The following RFPL1 variants were observed in gnomAD, a reference collection of about 807,000 sequenced individuals.
RFPL1 encodes ret finger protein like 1, also known as ret finger protein-like 1.
In RFPL1, 6 loss-of-function variants were observed where a neutral mutation model predicts 9.6. The observed-to-expected ratio is 0.62, with a 90% CI of 0.34 to 1.23. The LOEUF is 1.23. RFPL1 is among the 50% of genes most tolerant of loss of function. RFPL1 has a pLI of 0.03. For synonymous variants in RFPL1, 145 were observed against 149.4 expected, an observed-to-expected ratio of 0.97 and a Z score of 0.22; for missense variants, 352 against 398.4, an observed-to-expected ratio of 0.88 and a Z score of 0.99.
At chr22:29,421,058 G>C in the RFPL1 span, among the ~76,000 whole-genome samples, 2 of 152,126 alleles carry the variant, frequency 1.3e-5, no homozygotes, top group African/African-American at 4.8e-5. Flanking sequence ...GAGGCTGTGA[G>C]AGGCTCAGTA....
At chr22:29,397,004 T>A in the RFPL1 span, among the ~76,000 whole-genome samples, 1 of 149,030 alleles carries the variant, frequency 6.7e-6, no homozygotes, top group Non-Finnish European at 1.5e-5. Flanking sequence ...CCTCCCGGGT[T>A]CACGCCATTC....
At chr22:29,431,326 C>G in the RFPL1 span, among the ~76,000 whole-genome samples, 1 of 152,212 alleles carries the variant, frequency 6.6e-6, no homozygotes. Context: ...TAGAGAGACC[C>G]TGGGTCACCT....
At chr22:29,431,297 C>T in the RFPL1 span, among the ~76,000 whole-genome samples, 1 of 152,294 alleles carries the variant, frequency 6.6e-6, no homozygotes, top group Admixed American at 6.5e-5. Context: ...AGCTCAATGC[C>T]AGGCACAGTG....
chr22:29,435,676 TTTTTTA>T (rs1306795083), upstream of RFPL1, among the ~76,000 whole-genome samples: 333 of 152,312 alleles, frequency 2.2e-3, 3 homozygotes, highest in African/African-American at 7.7e-3. Context: ...TTGTACATAA[TTTTTTA>T]ATAGAACTAA....
chr22:29,392,149 G>A, the RFPL1 span, among the ~76,000 whole-genome samples: 5 of 152,036 alleles, frequency 3.3e-5, no homozygotes, highest in African/African-American at 1.2e-4. Context: ...CAGCAATCTC[G>A]GCTCACTACA....
chr22:29,435,528 A>C (rs2062804526), upstream of RFPL1, among the ~76,000 whole-genome samples: 1 of 152,190 alleles, frequency 6.6e-6, no homozygotes, highest in South Asian at 2.1e-4. Context: ...TCCAGCAGAG[A>C]GCAAACCCCA....
chr22:29,408,712 G>A, the RFPL1 span, among the ~76,000 whole-genome samples: 1 of 152,210 alleles, frequency 6.6e-6, no homozygotes, highest in Non-Finnish European at 1.5e-5. Flanking sequence ...TGGAGGTTAT[G>A]ACCAGCTGAG....
chr22:29,400,056 C>T, the RFPL1 span, among the ~76,000 whole-genome samples: 5 of 146,694 alleles, frequency 3.4e-5, no homozygotes, highest in African/African-American at 1.3e-4. Context: ...AGTGCAGTGG[C>T]GCGATCTCGG....
the RFPL1 span, among the ~76,000 whole-genome samples, chr22:29,417,010 A>G: frequency 3.7e-4 from 57 of 152,280 alleles, no homozygotes; most frequent in African/African-American, 1.4e-3. Flanking sequence ...ATGTATTTAC[A>G]GTCAAGGACG....
intron 1 of RFPL1, chr22:29,439,499 G>C (rs1407315407): frequency 1.1e-5 from 3 of 267,274 alleles, no homozygotes; most frequent in Non-Finnish European, 2.1e-5. Context: ...CAGGCTTGGT[G>C]GTGGGTGCCT....
the RFPL1 span, among the ~76,000 whole-genome samples, chr22:29,391,996 T>C: frequency 1.3e-5 from 2 of 152,318 alleles, no homozygotes; most frequent in South Asian, 4.1e-4. Flanking sequence ...TGGGAGGCTA[T>C]GGGAGTCCAG....
At chr22:29,437,792 T>C, upstream of RFPL1, 5 of 1,480,396 alleles carry the variant, frequency 3.4e-6, no homozygotes, top group Non-Finnish European at 4.6e-6. Flanking sequence ...GGGTTATGCC[T>C]TGGGGGATGA....
At chr22:29,408,169 C>T in the RFPL1 span, among the ~76,000 whole-genome samples, 1 of 152,140 alleles carries the variant, frequency 6.6e-6, no homozygotes, top group Non-Finnish European at 1.5e-5. Context: ...GATCTTGTAA[C>T]ATTTCATAAA....
At chr22:29,406,159 A>AATAAC in the RFPL1 span, among the ~76,000 whole-genome samples, 1 of 135,232 alleles carries the variant, frequency 7.4e-6, no homozygotes, top group Admixed American at 7.6e-5. Flanking sequence ...AAAAAAAAGA[A>AATAAC]ATAACACATC....
the RFPL1 span, among the ~76,000 whole-genome samples, chr22:29,431,817 A>G: frequency 6.6e-6 from 1 of 151,758 alleles, no homozygotes; most frequent in Admixed American, 6.6e-5. Context: ...CAGCCTCCTG[A>G]GTAGCTGGGA....
At chr22:29,414,558 A>G in the RFPL1 span, among the ~76,000 whole-genome samples, 7 of 152,156 alleles carry the variant, frequency 4.6e-5, no homozygotes, top group Non-Finnish European at 7.4e-5. Context: ...CTCTGCTTCT[A>G]CAAGAGTTTT....
the RFPL1 span, among the ~76,000 whole-genome samples, chr22:29,414,050 A>G: frequency 6.6e-6 from 1 of 152,236 alleles, no homozygotes; most frequent in Non-Finnish European, 1.5e-5. Context: ...AATTTAAATT[A>G]TACAACATTT....
chr22:29,398,813 T>C, the RFPL1 span, among the ~76,000 whole-genome samples: 2 of 152,240 alleles, frequency 1.3e-5, no homozygotes, highest in Admixed American at 6.5e-5. Context: ...CACTGTCCTA[T>C]GTGGAACTTC....
the RFPL1 span, among the ~76,000 whole-genome samples, chr22:29,389,356 C>G: frequency 2.0e-5 from 3 of 151,894 alleles, no homozygotes; most frequent in Admixed American, 1.3e-4. Flanking sequence ...GCACTGCACT[C>G]CAGCCTGGGC....
Sources: allele counts gnomAD v4.1 joint callset (sites outside exome capture counted in the v4.1 genomes callset), GRCh38; gene constraint gnomAD v4.1.1; transcripts MANE v1.5; gene names NCBI Gene and HGNC (gene_info 2026-07-23, HGNC 2026-07-21).